The following MED6 variants were observed in gnomAD, a reference collection of about 807,000 sequenced individuals.
MED6 encodes the protein mediator complex subunit 6.
A neutral mutation model predicts 37.5 loss-of-function variants in MED6; 33 were observed. That is an observed-to-expected ratio of 0.88 (90% confidence interval 0.67 to 1.18). MED6 has a LOEUF of 1.18. MED6 is among the 50% of genes most tolerant of loss of function. MED6 has a pLI of 0.00. For missense variants in MED6, 235 were observed against 290.6 expected, an observed-to-expected ratio of 0.81 and a Z score of 1.39; for synonymous variants, 94 against 93.6, an observed-to-expected ratio of 1.00 and a Z score of -0.02.
chr14:70,594,596 G>C (rs1026473103), intron 3 of MED6: 6 of 418,892 alleles, frequency 1.4e-5, no homozygotes, highest in African/African-American at 1.0e-4. Context: ...ACTGGTCCCT[G>C]GGCTCCATCC....
chr14:70,598,399 C>T (rs1885107508), intron 1 of MED6, among the ~76,000 whole-genome samples: 1 of 151,978 alleles, frequency 6.6e-6, no homozygotes, highest in Non-Finnish European at 1.5e-5. Flanking sequence ...CACTTGGACC[C>T]AAGAGGCGGA....
At chr14:70,596,772 T>A in intron 2 of MED6, 70 bp from the exon 3 acceptor site, 1 of 1,097,840 alleles carries the variant, frequency 9.1e-7, no homozygotes, top group Non-Finnish European at 1.4e-6. Context: ...ACATTCAAAT[T>A]ATTATATAAA....
At chr14:70,586,872 A>G (rs1884723615) in intron 6 of MED6, among the ~76,000 whole-genome samples, 1 of 152,254 alleles carries the variant, frequency 6.6e-6, no homozygotes, top group South Asian at 2.1e-4. Flanking sequence ...TGAGGCTGCT[A>G]TACTTAGAAA....
At chr14:70,592,797 T>C in intron 5 of MED6, 83 bp downstream of exon 5, 6 of 1,479,954 alleles carry the variant, frequency 4.1e-6, no homozygotes, top group Non-Finnish European at 5.6e-6. Flanking sequence ...TTAGAAAAGA[T>C]CAACAGCCAT....
Position 70,584,288 on chromosome 14 carries a change from G to C in MED6, c.*525C>G. 1 of 615,676 alleles carries C rather than the reference G, an allele frequency of 1.6e-6. No homozygotes were observed. The highest frequency in any genetic ancestry group is 2.9e-6 in the Non-Finnish European group (1 of 344,264). The allele number at this position is 615,676 out of a possible 1,614,324, so 38.1% of individuals were successfully genotyped here. ...TTTAAACATATCTACCAGTAAACATGTGAGTGTGTAGGTTGCTCAAGTCCG... is the reference window on the plus strand; with the variant it reads ...TTTAAACATATCTACCAGTAAACATCTGAGTGTGTAGGTTGCTCAAGTCCG... On this transcript the variant is annotated 3_prime_UTR_variant, in exon 8 of 8. Transcript: ENST00000256379.
intron 6 of MED6, among the ~76,000 whole-genome samples, chr14:70,590,596 T>C (rs1480878368): frequency 1.3e-5 from 2 of 152,202 alleles, no homozygotes; most frequent in East Asian, 3.8e-4. Context: ...TATGATCTTG[T>C]ATGTACATTG....
intron 6 of MED6, among the ~76,000 whole-genome samples, chr14:70,588,413 C>T (rs1884772317): frequency 6.6e-6 from 1 of 151,760 alleles, no homozygotes; most frequent in Non-Finnish European, 1.5e-5. Context: ...GGGCCGGGCG[C>T]GGTGGCTCAT....
At chr14:70,592,760 A>G in intron 5 of MED6, 120 bp downstream of exon 5, 1 of 1,090,926 alleles carries the variant, frequency 9.2e-7, no homozygotes, top group South Asian at 1.5e-5. Flanking sequence ...CAACAAAGCC[A>G]TCATCCCATG....
intron 6 of MED6, 52 bp from the exon 7 acceptor site, chr14:70,585,835 C>T (rs767404826): frequency 9.8e-6 from 15 of 1,530,548 alleles, no homozygotes; most frequent in Non-Finnish European, 1.1e-5. Flanking sequence ...AAGAAGAAAA[C>T]AGGTCAACTT....
chr14:70,592,677 T>C (rs1311107032), intron 5 of MED6: 1 of 443,584 alleles, frequency 2.3e-6, no homozygotes, highest in Non-Finnish European at 4.0e-6. Context: ...ACCAGTTAAC[T>C]AACAGAGTGA....
chr14:70,586,698 TC>T lies in MED6; in HGVS notation c.583-916del, dbSNP rs1884718213. 3.9e-5 allele frequency among the ~76,000 whole-genome samples: 6 copies of T among 152,258 alleles called. No individual in the cohort carries two copies. The South Asian group carries it at 1.2e-3, about 32-fold the overall frequency. Reference sequence around the variant, plus strand: ...CTAGGCCTTCTTACCTATTCCCACTTCTAACTACAAAATTTTCTGATATTAC... The same window carrying T: ...CTAGGCCTTCTTACCTATTCCCACTTTAACTACAAAATTTTCTGATATTAC... On this transcript the variant is annotated intron_variant, in intron 6 of 7. Transcript: ENST00000256379.
chr14:70,597,715 C>A lies in MED6; in HGVS notation c.85G>T (p.Val29Phe). The A allele has an allele frequency of 6.4e-7, 1 of 1,563,572 alleles. No individual in the cohort carries two copies. The highest frequency in any genetic ancestry group is 1.2e-5 in the South Asian group (1 of 81,446). ...CTTCTTTCTGAAAAGTAATCCAGGA[C>A]ACTACCACTGTTCAAAATAGGGATC... ...SWIPILNSGS[V>F]LDYFSERSNP... The change falls in exon 2 of 8, where the codon GTC (valine) becomes TTC (phenylalanine). Residue 29 changes from valine to phenylalanine, a missense_variant. Val to Phe is a conservative substitution (Grantham distance 50). Coordinates refer to ENST00000256379, the MANE Select transcript of MED6 (RefSeq NM_005466.4).
intron 2 of MED6, 55 bp downstream of exon 2, chr14:70,597,563 T>G: frequency 7.3e-7 from 1 of 1,366,458 alleles, no homozygotes; most frequent in African/African-American, 1.5e-5. Context: ...TTGAAAGAAC[T>G]GTTCATTGCA....
At chr14:70,588,910 AAG>A (rs1249939573) in intron 6 of MED6, among the ~76,000 whole-genome samples, 2 of 152,048 alleles carry the variant, frequency 1.3e-5, no homozygotes, top group Non-Finnish European at 2.9e-5. Context: ...TTTAAGAATC[AAG>A]AGAGTCTTTG....
chr14:70,584,815 A>C lies in MED6; in HGVS notation c.739T>G (p.Ter247GlyextTer46). Residue 247 changes from the stop codon to glycine (G), a stop_lost, in exon 8 of 8, where the codon TGA becomes GGA. Coordinates refer to ENST00000256379, the MANE Select transcript of MED6 (RefSeq NM_005466.4). ...CAGGCTTCTCTTTTGTCCAGTACTC[A>C]CTGAAGTCTCATCCGTTTTTCAGGG... ...GPPEKRMRLQ[*>G] 1 of 1,614,002 alleles carries C rather than the reference A, an allele frequency of 6.2e-7. No individual in the cohort carries two copies. The highest frequency in any genetic ancestry group is 8.5e-7 in the Non-Finnish European group (1 of 1,179,958).
intron 7 of MED6, 115 bp from the exon 8 acceptor site, chr14:70,585,058 T>C: frequency 8.2e-7 from 1 of 1,215,020 alleles, no homozygotes; most frequent in Admixed American, 2.2e-5. Flanking sequence ...TATCTCAAGT[T>C]CTAGATCTAG....
chr14:70,599,077 C>A (rs890630886), intron 1 of MED6, among the ~76,000 whole-genome samples: 3 of 152,136 alleles, frequency 2.0e-5, no homozygotes, highest in Non-Finnish European at 4.4e-5. Flanking sequence ...CTGAACACCA[C>A]TAGGTGTAAA....
rs1051948005 is a variant in MED6 at position 70,583,908 on chromosome 14, G to C, written c.*905C>G. ...CCTACCAGCAAGAAGGCCCTCACCAGATGGAGCCAATCAATGCTGGACTTC... is the reference window on the plus strand; with the variant it reads ...CCTACCAGCAAGAAGGCCCTCACCACATGGAGCCAATCAATGCTGGACTTC... On this transcript the variant is annotated 3_prime_UTR_variant, in exon 8 of 8. Transcript: ENST00000256379. The C allele has an allele frequency of 1.3e-4, 53 of 408,522 alleles. No individual in the cohort carries two copies. The highest frequency in any genetic ancestry group is 1.0e-3 in the African/African-American group (50 of 48,770). The allele number at this position is 408,522 out of a possible 1,614,324, so 25.3% of individuals were successfully genotyped here. A position where few individuals can be genotyped will look rare whatever the true frequency, so the allele number is the denominator to read the frequency against.
intron 1 of MED6, among the ~76,000 whole-genome samples, chr14:70,599,356 AC>A (rs1376337741): frequency 6.6e-6 from 1 of 152,236 alleles, no homozygotes; most frequent in African/African-American, 2.4e-5. Context: ...TCATGCAATA[AC>A]CAAATACACA....
Sources: gnomAD v4.1 joint callset for allele counts (sites outside exome capture counted in the v4.1 genomes callset) on GRCh38, gnomAD v4.1.1 for gene constraint, MANE v1.5 for transcripts, NCBI Gene and HGNC (gene_info 2026-07-23, HGNC 2026-07-21) for gene names.